Variants in EIF2B3 observed in about 807,000 individuals in gnomAD.
EIF2B3 encodes the protein translation initiation factor eIF2B subunit gamma.
A neutral mutation model predicts 54.1 loss-of-function variants in EIF2B3; 20 were observed. The ratio of observed to expected loss-of-function variants is 0.37; its 90% CI spans 0.26 to 0.54. The LOEUF (loss-of-function observed/expected upper bound fraction) is 0.54. Ranked by LOEUF, EIF2B3 falls within the 20% of genes least tolerant of loss-of-function variation. The probability of loss-of-function intolerance (pLI) is 0.86; values close to 1 mark genes in which losing one functional copy is unlikely to be tolerated. For missense variants in EIF2B3, 448 were observed against 547.8 expected (o/e 0.82, Z 1.82); for synonymous variants, 153 against 188.1 (o/e 0.81, Z 1.52).
chr1:44,897,518 C>T (rs1656013115), intron 5 of EIF2B3, 74 bp from the exon 6 acceptor site: 1 of 1,210,646 alleles, frequency 8.3e-7, no homozygotes, highest in East Asian at 2.5e-5. Flanking sequence ...ATTCTATTAT[C>T]AGGTAGTAGG....
At chr1:44,905,055 G>C (rs1436319439) in intron 5 of EIF2B3, among the ~76,000 whole-genome samples, 5 of 152,142 alleles carry the variant, frequency 3.3e-5, no homozygotes, top group Admixed American at 3.3e-4. Flanking sequence ...TGGCTATCTG[G>C]TATTTGCTAC....
intron 4 of EIF2B3, among the ~76,000 whole-genome samples, chr1:44,935,037 A>G (rs1368843875): frequency 6.6e-6 from 1 of 152,260 alleles, no homozygotes; most frequent in Non-Finnish European, 1.5e-5. Context: ...ATGGTTCTGA[A>G]GTACATTAAC....
chr1:44,974,004 T>C (rs2148961920), intron 3 of EIF2B3, among the ~76,000 whole-genome samples: 1 of 152,112 alleles, frequency 6.6e-6, no homozygotes, highest in South Asian at 2.1e-4. Flanking sequence ...TAATCAGCGG[T>C]ACTCCAGAAA....
chr1:44,945,297 G>C (rs972688273), intron 3 of EIF2B3, among the ~76,000 whole-genome samples: 1 of 151,580 alleles, frequency 6.6e-6, no homozygotes, highest in Admixed American at 6.6e-5. Context: ...GCTCACACCT[G>C]TAATCCCAGC....
rs186443452 is a variant in EIF2B3, at chr1:44,929,762, C to T, written c.455-3023G>A. Among the ~76,000 whole-genome samples, 133 of 152,350 alleles carry T rather than the reference C, an allele frequency of 8.7e-4. 1 individual carries two copies. Among genetic ancestry groups the T allele is most frequent in the African/African-American group, 3.0e-3 (123 of 41,592 alleles). ...CACAGAAACCTTGAATCACTGATGT[C>T]CTGGGAGCAATAATTTCCAGCCAGC... is the stretch of plus-strand genomic sequence containing the variant. On this transcript the variant is annotated intron_variant, in intron 4 of 11. Coordinates refer to ENST00000360403, the MANE Select transcript of EIF2B3 (RefSeq NM_020365.5).
At chr1:44,942,404 TATATATATATA>T (rs1362009800) in intron 3 of EIF2B3, among the ~76,000 whole-genome samples, 3 of 21,948 alleles carry the variant, frequency 1.4e-4, no homozygotes, top group African/African-American at 2.6e-4. Context: ...TATATATATA[TATATATATATA>T]TATTTTTTTT....
At chr1:44,943,247 T>C (rs1263738612) in intron 3 of EIF2B3, among the ~76,000 whole-genome samples, 3 of 150,840 alleles carry the variant, frequency 2.0e-5, no homozygotes, top group African/African-American at 4.9e-5. Context: ...AGGTTGGTCT[T>C]GAACTGGTGG....
chr1:44,932,669 T>C (rs1643907851), intron 4 of EIF2B3, among the ~76,000 whole-genome samples: 1 of 152,068 alleles, frequency 6.6e-6, no homozygotes, highest in Non-Finnish European at 1.5e-5. Context: ...AGGAAAAAAG[T>C]GTTTCATGCA....
rs775634835 is a variant in EIF2B3 at position 44,880,014 on chromosome 1, G to C, written c.785-6C>G. The C allele has an allele frequency of 1.3e-4, 210 of 1,613,832 alleles. 1 individual carries two copies. The highest frequency in any genetic ancestry group is 1.7e-4 in the Non-Finnish European group (197 of 1,179,896). On this transcript the variant is annotated splice_region_variant and splice_polypyrimidine_tract_variant and intron_variant, in intron 7 of 11. Coordinates refer to ENST00000360403, the MANE Select transcript of EIF2B3 (RefSeq NM_020365.5). ...TTTTATAAAACTGTAGATATCTTCA[G>C]AACAAACACCCAACCAAGGAAATAA... is the stretch of plus-strand genomic sequence containing the variant.
chr1:44,981,942 CAAAAA>C (rs35864275), intron 1 of EIF2B3, among the ~76,000 whole-genome samples: 1 of 78,982 alleles, frequency 1.3e-5, no homozygotes, highest in Non-Finnish European at 2.6e-5. Context: ...GATCCTGTCT[CAAAAA>C]AAAAAAAAAA....
chr1:44,864,308 TA>T (rs1017759083), intron 10 of EIF2B3, among the ~76,000 whole-genome samples: 6 of 151,708 alleles, frequency 4.0e-5, no homozygotes, highest in African/African-American at 1.5e-4. Flanking sequence ...CTCATGCCTG[TA>T]ATCCCAGCAT....
At chr1:44,867,867 T>TAAAAA (rs768045271) in intron 10 of EIF2B3, among the ~76,000 whole-genome samples, 2 of 99,488 alleles carry the variant, frequency 2.0e-5, no homozygotes, top group African/African-American at 3.8e-5. Context: ...ATTCTGTCTC[T>TAAAAA]AAAAAAAAAA....
intron 6 of EIF2B3, among the ~76,000 whole-genome samples, chr1:44,884,229 A>G (rs1655503670): frequency 6.6e-6 from 1 of 152,208 alleles, no homozygotes; most frequent in South Asian, 2.1e-4. Flanking sequence ...AAAGCCTGGA[A>G]TAAGGAAACT....
At chr1:44,965,474 A>G (rs1359521207) in intron 3 of EIF2B3, among the ~76,000 whole-genome samples, 1 of 147,666 alleles carries the variant, frequency 6.8e-6, no homozygotes, top group African/African-American at 2.5e-5. Context: ...TCTAAAGCCA[A>G]AAGTCTAGAG....
chr1:44,878,602 C>T (rs557856486), intron 8 of EIF2B3, among the ~76,000 whole-genome samples: 8 of 151,688 alleles, frequency 5.3e-5, no homozygotes, highest in East Asian at 2.0e-4. Flanking sequence ...TATTATTCTG[C>T]GCTCCACTGC....
rs542647978 is a variant in EIF2B3 at position 44,914,789 on chromosome 1, C to T, written c.566+11839G>A. On this transcript the variant is annotated intron_variant, in intron 5 of 11. Coordinates refer to ENST00000360403, the MANE Select transcript of EIF2B3 (RefSeq NM_020365.5). ...CTGCTAGCTCCGCCACCCTGTTTCA[C>T]GACATTCTCCTGCCTCAGCCTCCCA... 4.7e-4 allele frequency among the ~76,000 whole-genome samples: 71 copies of T among 151,740 alleles called. 1 individual carries two copies. In the South Asian group the frequency reaches 0.012, roughly 26 times the overall value.
At chr1:44,897,313 TG>T (rs1403973956) in intron 6 of EIF2B3, 41 bp downstream of exon 6, 14 of 1,420,542 alleles carry the variant, frequency 9.9e-6, no homozygotes, top group Non-Finnish European at 1.4e-5. Context: ...CAAAGTAGCT[TG>T]TTAAGTACTG....
intron 11 of EIF2B3, among the ~76,000 whole-genome samples, chr1:44,855,293 G>T (rs1654401691): frequency 6.6e-6 from 1 of 152,034 alleles, no homozygotes; most frequent in African/African-American, 2.4e-5. Context: ...ACCATTAAAG[G>T]GTCTCCTTGC....
intron 10 of EIF2B3, among the ~76,000 whole-genome samples, chr1:44,859,745 A>G (rs1013690878): frequency 2.0e-5 from 3 of 152,190 alleles, no homozygotes; most frequent in African/African-American, 4.8e-5. Context: ...TGCTAAATAA[A>G]TACTCTCTGT....
Sources: gnomAD v4.1 joint callset for allele counts (sites outside exome capture counted in the v4.1 genomes callset) on GRCh38, gnomAD v4.1.1 for gene constraint, MANE v1.5 for transcripts, NCBI Gene and HGNC (gene_info 2026-07-23, HGNC 2026-07-21) for gene names.